The following CUX1 variants were observed in gnomAD, a reference collection of about 807,000 sequenced individuals.
The protein encoded by CUX1 is cut like homeobox 1.
Under a neutral mutation model 158.8 loss-of-function variants are expected in CUX1, and 31 were observed. The observed-to-expected ratio is 0.20, with a 90% confidence interval of 0.15 to 0.26. CUX1 has a LOEUF of 0.26. Ranked by LOEUF, CUX1 falls within the 10% of genes least tolerant of loss-of-function variation. The probability of loss-of-function intolerance (pLI) is 1.00; values close to 1 mark genes in which losing one functional copy is unlikely to be tolerated. For synonymous variants in CUX1, 879 were observed against 862.1 expected (o/e 1.02, Z -0.34); for missense variants, 1,589 against 2,014.6 (o/e 0.79, Z 4.04).
rs141758625 is a variant in CUX1 at position 102,072,578 on chromosome 7, A to G, written c.268+2161A>G. 5.3e-4 allele frequency among the ~76,000 whole-genome samples: 80 copies of G among 152,340 alleles called. No homozygotes were observed. The Middle Eastern group carries it at 0.01, about 19-fold the overall frequency. ...AAGCAACTAATCAAAGGTACTTTCA[A>G]TTTCCCATCTGCAGGGCAGAAAAGG... is the stretch of plus-strand genomic sequence containing the variant. On this transcript the variant is annotated intron_variant, in intron 4 of 23. Coordinates refer to ENST00000292535, the MANE Select transcript of CUX1 (RefSeq NM_181552.4).
At chr7:102,151,514 A>G (rs1460340680) in intron 8 of CUX1, among the ~76,000 whole-genome samples, 4 of 152,024 alleles carry the variant, frequency 2.6e-5, no homozygotes, top group Non-Finnish European at 5.9e-5. Flanking sequence ...AGATCATGCC[A>G]TTACACTCCA....
chr7:102,241,802 G>A (rs1345557796), intron 23 of CUX1, among the ~76,000 whole-genome samples: 1 of 152,168 alleles, frequency 6.6e-6, no homozygotes, highest in Non-Finnish European at 1.5e-5. Flanking sequence ...GCTACCTCCC[G>A]CAAGGACAAA....
intron 3 of CUX1, among the ~76,000 whole-genome samples, chr7:102,030,691 G>GTTTTTTTTTTTTTTTTTTTTTTTT (rs71119801): frequency 5.2e-4 from 62 of 119,410 alleles, no homozygotes; most frequent in African/African-American, 1.8e-3. Flanking sequence ...TTTAAAAAGT[G>GTTTTTTTTTTTTTTTTTTTTTTTT]TTTTTTTTTT....
At chr7:101,844,595 A>C (rs1200952572) in intron 1 of CUX1, among the ~76,000 whole-genome samples, 1 of 151,100 alleles carries the variant, frequency 6.6e-6, no homozygotes, top group East Asian at 1.9e-4. Flanking sequence ...TTTTCTTTTT[A>C]TCCTTGTCAT....
chr7:101,992,293 A>G (rs866622663), intron 2 of CUX1, among the ~76,000 whole-genome samples: 3 of 152,120 alleles, frequency 2.0e-5, no homozygotes, highest in South Asian at 4.1e-4. Flanking sequence ...CCCTGTTTTT[A>G]CCTGCTCAGC....
chr7:101,917,723 G>A (rs1015694621), intron 2 of CUX1, among the ~76,000 whole-genome samples: 11 of 152,124 alleles, frequency 7.2e-5, no homozygotes, highest in African/African-American at 2.2e-4. Flanking sequence ...CCCAAGCCCC[G>A]CCACATCCAT....
intron 1 of CUX1, among the ~76,000 whole-genome samples, chr7:101,849,912 A>ATTTTTTTT (rs71106570): frequency 8.0e-6 from 1 of 124,298 alleles, no homozygotes; most frequent in Non-Finnish European, 1.6e-5. Flanking sequence ...GTCTCATGCA[A>ATTTTTTTT]TTTTTTTTTT....
chr7:102,131,429 G>A (rs1371969744), intron 8 of CUX1, among the ~76,000 whole-genome samples: 3 of 151,616 alleles, frequency 2.0e-5, no homozygotes, highest in Non-Finnish European at 4.4e-5. Context: ...CGAGGCAGGA[G>A]GGTCGTTTGA....
intron 1 of CUX1, among the ~76,000 whole-genome samples, chr7:101,840,311 G>GA (rs1795085475): frequency 6.6e-6 from 1 of 152,174 alleles, no homozygotes; most frequent in African/African-American, 2.4e-5. Context: ...CAATTACATG[G>GA]TGGTGGTGAT....
At chr7:101,937,233 C>T (rs1807052129) in intron 2 of CUX1, among the ~76,000 whole-genome samples, 1 of 152,200 alleles carries the variant, frequency 6.6e-6, no homozygotes, top group Non-Finnish European at 1.5e-5. Context: ...CCCCCAGCTC[C>T]TCCCCCTGTG....
intron 2 of CUX1, among the ~76,000 whole-genome samples, chr7:101,998,279 G>A (rs949115263): frequency 1.3e-5 from 2 of 152,118 alleles, no homozygotes; most frequent in African/African-American, 4.8e-5. Context: ...TTGTAGGGCT[G>A]TGCGTGGGCT....
intron 2 of CUX1, among the ~76,000 whole-genome samples, chr7:101,993,279 G>A (rs566880066): frequency 4.6e-5 from 7 of 152,242 alleles, no homozygotes; most frequent in South Asian, 2.1e-4. Context: ...GCAGTGAGCC[G>A]AGGTTGCACC....
chr7:102,211,460 A>T (rs1475406780), intron 20 of CUX1, among the ~76,000 whole-genome samples: 1 of 151,262 alleles, frequency 6.6e-6, no homozygotes, highest in Non-Finnish European at 1.5e-5. Context: ...CAAAAAAAGA[A>T]TACCTCTTCA....
intron 20 of CUX1, among the ~76,000 whole-genome samples, chr7:102,225,834 A>T (rs1198276650): frequency 3.9e-5 from 6 of 152,186 alleles, no homozygotes; most frequent in African/African-American, 7.2e-5. Context: ...ACAAAAAAAA[A>T]TTTTACAAGA....
chr7:101,968,563 C>T (rs1456016405), intron 2 of CUX1, among the ~76,000 whole-genome samples: 1 of 152,118 alleles, frequency 6.6e-6, no homozygotes, highest in African/African-American at 2.4e-5. Flanking sequence ...GCTGGGGTTA[C>T]AGGCGCGTAC....
chr7:102,087,639 A>G (rs899564584), intron 4 of CUX1, among the ~76,000 whole-genome samples: 1 of 152,068 alleles, frequency 6.6e-6, no homozygotes, highest in Non-Finnish European at 1.5e-5. Flanking sequence ...CAAATAATAC[A>G]CCATTTCACA....
chr7:102,060,068 G>T (rs1321757285), intron 3 of CUX1, among the ~76,000 whole-genome samples: 4 of 151,936 alleles, frequency 2.6e-5, no homozygotes, highest in African/African-American at 9.7e-5. Context: ...GAGGTCAGGG[G>T]ATCGAGACCA....
intron 11 of CUX1, among the ~76,000 whole-genome samples, chr7:102,188,356 T>G (rs1793858524): frequency 6.6e-6 from 1 of 152,110 alleles, no homozygotes; most frequent in South Asian, 2.1e-4. Flanking sequence ...TATTCTTGTT[T>G]TATGTAGAGT....
chr7:102,128,445 T>C (rs782125457), intron 8 of CUX1, among the ~76,000 whole-genome samples: 40 of 150,706 alleles, frequency 2.7e-4, no homozygotes, highest in Non-Finnish European at 3.1e-4. Context: ...GTCAGCCTCT[T>C]GCACTTTCTT....
Sources: gnomAD v4.1 joint callset for allele counts (sites outside exome capture counted in the v4.1 genomes callset) on GRCh38, gnomAD v4.1.1 for gene constraint, MANE v1.5 for transcripts, NCBI Gene and HGNC (gene_info 2026-07-23, HGNC 2026-07-21) for gene names.